PHB2: variants seen among roughly 807,000 people sequenced by gnomAD.
PHB2 encodes prohibitin-2.
Under a neutral mutation model 46.4 loss-of-function variants are expected in PHB2, and 22 were observed. That is an observed-to-expected ratio of 0.47 (90% CI 0.34 to 0.68). PHB2 has a LOEUF of 0.68. Ranked by LOEUF, PHB2 falls within the 30% of genes least tolerant of loss-of-function variation. PHB2 has a pLI of 0.01. For missense variants in PHB2, 305 were observed against 382.8 expected, an observed-to-expected ratio of 0.80 and a Z score of 1.70; for synonymous variants, 156 against 150.5, an observed-to-expected ratio of 1.04 and a Z score of -0.27.
chr12:6,968,388 G>A (rs377003755), intron 4 of PHB2, 23 bp downstream of exon 4: 39 of 1,546,184 alleles, frequency 2.5e-5, no homozygotes, highest in African/African-American at 8.1e-5. Flanking sequence ...CTGACACCAC[G>A]CAGATGGTGG....
In PHB2 at chr12:6,967,910, C is replaced by T; in HGVS notation, c.589G>A (p.Val197Ile). 1 of 1,613,844 alleles carries T rather than the reference C, an allele frequency of 6.2e-7. No individual in the cohort carries two copies. Among genetic ancestry groups the T allele is most frequent in the Non-Finnish European group, 8.5e-7 (1 of 1,179,788 alleles). ...LSFSREYTAAVEAKQVAQQEA... is the reference protein window; with the variant it reads ...LSFSREYTAAIEAKQVAQQEA... ...GACTCACCCACTTGTTTGGCTTCTA[C>T]AGCAGCTGTGTACTCTCGGCTAAAG... is the stretch of plus-strand genomic sequence containing the variant. Residue 197 changes from valine to isoleucine, a missense_variant, in exon 5 of 10, where the codon GTA (valine) becomes ATA (isoleucine). Coordinates refer to ENST00000535923, the MANE Select transcript of PHB2 (RefSeq NM_001144831.2). This position sits in a 1 kb window ranked among gnomAD's most constrained non-coding sequence, Gnocchi z 4.9.
intron 2 of PHB2, 116 bp downstream of exon 2, chr12:6,970,080 G>T: frequency 2.4e-6 from 2 of 818,878 alleles, no homozygotes; most frequent in Non-Finnish European, 4.3e-6. Context: ...TAGGGGCAGG[G>T]ATGAGGAGGG....
At position 6,965,578 on chromosome 12, in the gene PHB2, G is replaced by A. The variant is rs782475285; in HGVS notation, c.*107C>T. On this transcript the variant is annotated 3_prime_UTR_variant, in exon 10 of 10. Transcript: ENST00000535923. Reference sequence around the variant, plus strand: ...CAGGGAACCGGTGTGGGGGACCATCGCATGATACTGGGGCGGGGTAGGGCT... The same window carrying A: ...CAGGGAACCGGTGTGGGGGACCATCACATGATACTGGGGCGGGGTAGGGCT... 4.5e-5 allele frequency: 38 copies of A among 839,316 alleles called. No homozygotes were observed. The African/African-American group carries it at 5.2e-4, about 11-fold the overall frequency. The allele number at this position is 839,316 out of a possible 1,614,324, so 52.0% of individuals were successfully genotyped here.
In PHB2 at chr12:6,967,529, A is replaced by T. The variant is rs781873016; in HGVS notation, c.711+147T>A. 29 of 905,552 alleles carry T rather than the reference A, an allele frequency of 3.2e-5. No individual in the cohort carries two copies. The highest frequency in any genetic ancestry group is 5.1e-5 in the Non-Finnish European group (28 of 545,060). The allele number at this position is 905,552 out of a possible 1,614,324, so 56.1% of individuals were successfully genotyped here. A position where few individuals can be genotyped will look rare whatever the true frequency, so the allele number is the denominator to read the frequency against. ...TACTACCACTAAGATTTCAGATCTC[A>T]TCTGTAGTCCCCACCCCCAACAAGG... On this transcript the variant is annotated intron_variant, in intron 6 of 9. Coordinates refer to ENST00000535923, the MANE Select transcript of PHB2 (RefSeq NM_001144831.2). The surrounding 1 kb of genome is among the most constrained non-coding windows in gnomAD (Gnocchi z 4.9).
intron 8 of PHB2, 128 bp downstream of exon 8, chr12:6,966,296 C>A: frequency 1.5e-6 from 1 of 684,384 alleles, no homozygotes; most frequent in South Asian, 1.7e-5. Flanking sequence ...TGTCAACCAC[C>A]CCCTTTTCTA....
chr12:6,966,906 G>C, intron 7 of PHB2, among the ~76,000 whole-genome samples: 1 of 152,114 alleles, frequency 6.6e-6, no homozygotes, highest in African/African-American at 2.4e-5. Context: ...CACCACAGCG[G>C]GCTCATTATC....
At position 6,965,682 on chromosome 12, in the gene PHB2, G is replaced by C. The variant is rs782337305; in HGVS notation, c.*3C>G. 1 of 1,611,612 alleles carries C rather than the reference G, an allele frequency of 6.2e-7. No homozygotes were observed. The highest frequency in any genetic ancestry group is 8.5e-7 in the Non-Finnish European group (1 of 1,178,340). ...CTGGGGGTGGAGTTCTTGGTGACTA[G>C]GCTCATTTCTTACCCTTGATGAGGC... is the stretch of plus-strand genomic sequence containing the variant. On this transcript the variant is annotated 3_prime_UTR_variant, in exon 10 of 10. Transcript: ENST00000535923.
At position 6,965,562 on chromosome 12, in the gene PHB2, G is replaced by C. The variant is rs1217433930; in HGVS notation, c.*123C>G. ...TAATCCAAGAGGGGTTCAGGGAACCGGTGTGGGGGACCATCGCATGATACT... is the reference window on the plus strand; with the variant it reads ...TAATCCAAGAGGGGTTCAGGGAACCCGTGTGGGGGACCATCGCATGATACT... On this transcript the variant is annotated 3_prime_UTR_variant, in exon 10 of 10. Coordinates refer to ENST00000535923, the MANE Select transcript of PHB2 (RefSeq NM_001144831.2). 1.3e-6 allele frequency: 1 copy of C among 758,858 alleles called. No individual in the cohort carries two copies. Among genetic ancestry groups the C allele is most frequent in the East Asian group, 2.6e-5 (1 of 37,906 alleles). 47.0% of individuals were successfully genotyped at this position (758,858 alleles called of 1,614,324 possible).
Position 6,967,294 on chromosome 12 carries a change from C to T in PHB2, c.712-46G>A. 1.2e-6 allele frequency: 2 copies of T among 1,612,306 alleles called. No individual in the cohort carries two copies. The highest frequency in any genetic ancestry group is 1.1e-5 in the South Asian group (1 of 91,012). ...CGCAAGGGCAGGTCTCAATCCCTGGCCCTGTCCTTACCACACTCCCTTGCT... is the reference window on the plus strand; with the variant it reads ...CGCAAGGGCAGGTCTCAATCCCTGGTCCTGTCCTTACCACACTCCCTTGCT... On this transcript the variant is annotated intron_variant, in intron 6 of 9. Transcript: ENST00000535923. This position sits in a 1 kb window ranked among gnomAD's most constrained non-coding sequence, Gnocchi z 4.9.
chr12:6,965,790 T>G, intron 9 of PHB2, 78 bp from the exon 10 acceptor site: 1 of 1,545,634 alleles, frequency 6.5e-7, no homozygotes, highest in East Asian at 2.3e-5. Context: ...GGCCATTCCC[T>G]CTACGACCCT....
chr12:6,970,100 A>G lies in PHB2; in HGVS notation c.212+96T>C, dbSNP rs782330103. ...GCAGGGATGAGGAGGGTGGGAAAAG[A>G]GCAGCGTTGAATCCTGTTGCACGTC... is the stretch of plus-strand genomic sequence containing the variant. On this transcript the variant is annotated intron_variant, in intron 2 of 9. Transcript: ENST00000535923. The G allele has an allele frequency of 4.3e-6, 4 of 922,494 alleles. No individual in the cohort carries two copies. The East Asian group carries it at 7.2e-5, about 17-fold the overall frequency. The allele number at this position is 922,494 out of a possible 1,614,324, so 57.1% of individuals were successfully genotyped here.
intron 7 of PHB2, among the ~76,000 whole-genome samples, chr12:6,966,714 C>T (rs1326136388): frequency 1.3e-5 from 2 of 152,260 alleles, no homozygotes; most frequent in East Asian, 1.9e-4. Context: ...AGGAATCATT[C>T]TTGACAGGAG....
chr12:6,966,058 A>C, intron 8 of PHB2, 142 bp from the exon 9 acceptor site: 142 of 859,370 alleles, frequency 1.7e-4, no homozygotes, highest in Non-Finnish European at 2.5e-4. Context: ...CAGGAATCTC[A>C]GGCTCATGAA....
chr12:6,966,831 G>A (rs779262020), intron 7 of PHB2, among the ~76,000 whole-genome samples: 69 of 152,124 alleles, frequency 4.5e-4, no homozygotes, highest in Non-Finnish European at 8.4e-4. Context: ...TGCAACTTCC[G>A]CCTCCTGGGT....
chr12:6,970,427 A>C lies in PHB2; in HGVS notation c.117T>G (p.Ser39=). The C allele has an allele frequency of 6.2e-7, 1 of 1,604,022 alleles. No individual in the cohort carries two copies. Among genetic ancestry groups the C allele is most frequent in the South Asian group, 1.1e-5 (1 of 91,080 alleles). ...AGAVAYGVRE[S]VFTVEGGHRA... ...GCGGAGGTTGCTCACCGGTGAACAC[A>C]GATTCGCGCACACCGTAGGCCACGG... Residue 39 remains serine, a synonymous_variant, in exon 1 of 10, where the codon TCT becomes TCG. Transcript: ENST00000535923.
chr12:6,968,300 A>T, intron 4 of PHB2, 111 bp downstream of exon 4: 2 of 814,674 alleles, frequency 2.5e-6, no homozygotes, highest in Non-Finnish European at 3.9e-6. Context: ...TTTAGGTGGA[A>T]ATGGCACTAG....
chr12:6,970,195 CCTG>C lies in PHB2; in HGVS notation c.210_212del (p.Phe70_Arg71delinsLeu), dbSNP rs1946296883. On this transcript the variant is annotated inframe_deletion and splice_region_variant, in exon 2 of 10. Transcript: ENST00000535923. ...GGTCAGCAGGCTCTGCCCGCCATTA[CCTG>C]AAGTGAAGGCCCTCGGCCAGGATAG... 1 of 1,611,832 alleles carries C rather than the reference CCTG, an allele frequency of 6.2e-7. No homozygotes were observed. Among genetic ancestry groups the C allele is most frequent in the African/African-American group, 1.3e-5 (1 of 74,870 alleles).
intron 9 of PHB2, 30 bp from the exon 10 acceptor site, chr12:6,965,742 T>G: frequency 6.2e-7 from 1 of 1,600,386 alleles, no homozygotes; most frequent in Non-Finnish European, 8.6e-7. Context: ...GATAATGACA[T>G]TATTAGGGGA....
intron 2 of PHB2, among the ~76,000 whole-genome samples, 171 bp from the exon 3 acceptor site, chr12:6,969,748 A>G (rs1555151651): frequency 6.6e-6 from 1 of 151,644 alleles, no homozygotes; most frequent in African/African-American, 2.4e-5. Context: ...AAAATACAAA[A>G]ATTAGCCGGG....
Sources: allele counts gnomAD v4.1 joint callset (sites outside exome capture counted in the v4.1 genomes callset), GRCh38; gene constraint gnomAD v4.1.1; non-coding constraint Gnocchi (gnomAD v3.1); transcripts MANE v1.5; gene names NCBI Gene and HGNC (gene_info 2026-07-23, HGNC 2026-07-21).